The following ARHGEF33 variants were observed in gnomAD, a reference collection of about 807,000 sequenced individuals.
ARHGEF33 encodes Rho guanine nucleotide exchange factor 33, also known as DH and coiled-coil domain-containing protein ENSP00000381780.
ARHGEF33 carries 72 observed loss-of-function variants against 101.9 expected under a neutral mutation model. That is an observed-to-expected ratio of 0.71 (90% confidence interval 0.58 to 0.86). ARHGEF33 has a LOEUF of 0.86. ARHGEF33 is among the 40% of genes least tolerant of loss of function. ARHGEF33 has a pLI of 0.00. For missense variants in ARHGEF33, 1,169 were observed against 1,111.3 expected, an observed-to-expected ratio of 1.05 and a Z score of -0.74; for synonymous variants, 499 against 442.5, an observed-to-expected ratio of 1.13 and a Z score of -1.60.
chr2:38,959,569 G>T, intron 15 of ARHGEF33: 1 of 367,390 alleles, frequency 2.7e-6, no homozygotes, highest in Non-Finnish European at 4.9e-6. Flanking sequence ...GGAGGGTCAG[G>T]GCTTCCACGC....
At chr2:38,944,504 G>A (rs1667390656) in intron 10 of ARHGEF33, among the ~76,000 whole-genome samples, 1 of 152,074 alleles carries the variant, frequency 6.6e-6, no homozygotes. Flanking sequence ...TTGCATTGGG[G>A]GTTAAGTTTC....
At chr2:38,917,995 A>G (rs937381181) in intron 2 of ARHGEF33, among the ~76,000 whole-genome samples, 1 of 152,174 alleles carries the variant, frequency 6.6e-6, no homozygotes, top group Non-Finnish European at 1.5e-5. Context: ...TAGTGTTCAT[A>G]TATTTGTATT....
chr2:38,951,031 G>T lies in ARHGEF33; in HGVS notation c.963G>T (p.Leu321=). Residue 321 remains leucine (L), a synonymous_variant, in exon 11 of 18, where the codon CTG becomes CTT. Transcript: ENST00000409978. ...GSLRYLVQQH[L]DLLHALQERV... ...TACGGTACCTCGTCCAGCAGCACCT[G>T]GATCTGCTTCACGCACTGCAGGAAA... 1 of 1,552,204 alleles carries T rather than the reference G, an allele frequency of 6.4e-7. No homozygotes were observed.
In ARHGEF33 at chr2:38,959,998, G is replaced by A. The variant is rs1239499593; in HGVS notation, c.1693G>A (p.Val565Met). The A allele has an allele frequency of 5.8e-6, 9 of 1,550,066 alleles. No homozygotes were observed. Among genetic ancestry groups the A allele is most frequent in the African/African-American group, 2.7e-5 (2 of 73,026 alleles). The change falls in exon 16 of 18, where the codon GTG (valine) becomes ATG (methionine). Residue 565 changes from valine (V) to methionine (M), a missense_variant. Val to Met is a conservative substitution (Grantham distance 21). Transcript: ENST00000409978. The part of the protein sequence containing the change: ...PTQFCAAEQD[V>M]KALAGPLQAI... ...GCAGTTCTGCGCGGCCGAGCAGGAC[G>A]TGAAGGCGCTGGCCGGGCCCCTGCA...
Position 38,935,796 on chromosome 2 carries a change from A to T in ARHGEF33, c.527A>T (p.His176Leu). The change falls in exon 8 of 18, where the codon CAT becomes CTT. Residue 176 changes from histidine (H) to leucine (L), a missense_variant. Coordinates refer to ENST00000409978, the MANE Select transcript of ARHGEF33 (RefSeq NM_001145451.5). ...GCAGCCCAAGAGTCCAGATCTGTTC[A>T]TGTAGGAGACAGTAATGTAAAAGGA... ...YEKAQESRSV[H>L]VGDSNVKGMM... 4 of 1,552,170 alleles carry T rather than the reference A, an allele frequency of 2.6e-6. 1 individual carries two copies. The highest frequency in any genetic ancestry group is 3.5e-6 in the Non-Finnish European group (4 of 1,147,024).
At chr2:38,904,532 C>A (rs1666343859) in intron 2 of ARHGEF33, among the ~76,000 whole-genome samples, 1 of 151,876 alleles carries the variant, frequency 6.6e-6, no homozygotes, top group African/African-American at 2.4e-5. Flanking sequence ...ATGGCAAAAT[C>A]CCATCCCTAC....
chr2:38,907,392 C>T (rs1666415582), intron 2 of ARHGEF33, among the ~76,000 whole-genome samples: 1 of 152,136 alleles, frequency 6.6e-6, no homozygotes, highest in Non-Finnish European at 1.5e-5. Context: ...CTGAGAGCAC[C>T]AAAGGCAGCT....
Position 38,944,042 on chromosome 2 carries a change from C to T in ARHGEF33, c.920+12C>T, listed in dbSNP as rs1356885033. ...TCCAAAGAGAGAAGGTATCCATGCA[C>T]TCATTGCCTTTGCTTTTCAGATTGA... On this transcript the variant is annotated intron_variant, in intron 10 of 17. Transcript: ENST00000409978. The T allele has an allele frequency of 2.6e-6, 4 of 1,536,544 alleles. No individual in the cohort carries two copies. Among genetic ancestry groups the T allele is most frequent in the Non-Finnish European group, 3.5e-6 (4 of 1,140,198 alleles).
intron 10 of ARHGEF33, among the ~76,000 whole-genome samples, chr2:38,944,321 T>TTG (rs1343773854): frequency 6.6e-6 from 1 of 152,310 alleles, no homozygotes; most frequent in African/African-American, 2.4e-5. Flanking sequence ...AAGATGGCAC[T>TTG]TTGTTGTTGT....
At position 38,908,634 on chromosome 2, in the gene ARHGEF33, T is replaced by C. The variant is rs1465494207; in HGVS notation, c.-85-10729T>C. ...GGAAGGATCTTTGTTATTTCACTTC[T>C]GAGCCTTCTGTGCTCCTGAGCTATG... On this transcript the variant is annotated intron_variant, in intron 2 of 17. Coordinates refer to ENST00000409978, the MANE Select transcript of ARHGEF33 (RefSeq NM_001145451.5). Among the ~76,000 whole-genome samples, 3 of 152,362 alleles carry C rather than the reference T, an allele frequency of 2.0e-5. No homozygotes were observed. The East Asian group carries it at 5.8e-4, about 29-fold the overall frequency.
chr2:38,931,074 AC>A, intron 6 of ARHGEF33, 34 bp from the exon 7 acceptor site: 5 of 1,515,086 alleles, frequency 3.3e-6, no homozygotes, highest in Non-Finnish European at 3.5e-6. Context: ...GATATTAAGA[AC>A]CAGAATAGCC....
At position 38,974,290 on chromosome 2, in the gene ARHGEF33, G is replaced by C. The variant is rs572071635; in HGVS notation, c.*447G>C. On this transcript the variant is annotated 3_prime_UTR_variant, in exon 18 of 18. Transcript: ENST00000409978. ...TCTTAAACTAATATACACTATGTTA[G>C]GGGCCAGTTCTGTCTTGCTTCATGT... The C allele has an allele frequency of 1.3e-5, 2 of 152,356 alleles. No individual in the cohort carries two copies. Among genetic ancestry groups the C allele is most frequent in the East Asian group, 1.9e-4 (1 of 5,192 alleles). The allele number at this position is 152,356 out of a possible 1,614,324, so 9.4% of individuals were successfully genotyped here. A position where few individuals can be genotyped will look rare whatever the true frequency, so the allele number is the denominator to read the frequency against.
intron 3 of ARHGEF33, among the ~76,000 whole-genome samples, chr2:38,919,847 A>G (rs1227415003): frequency 6.6e-6 from 1 of 152,194 alleles, no homozygotes; most frequent in Non-Finnish European, 1.5e-5. Flanking sequence ...TTCTCTTATC[A>G]TCTCCAATTT....
chr2:38,958,059 GGGCT>G lies in ARHGEF33; in HGVS notation c.1401_1404del (p.Ala468ProfsTer46), dbSNP rs1667814283. On this transcript the variant is annotated frameshift_variant, in exon 15 of 18. Transcript: ENST00000409978. LOFTEE classifies it high-confidence loss of function. ...GTCATCCATGGCGAAGCTGTACAAA[GGGCT>G]GGCTTCCCAGTGTGCCAATGCTGGG... 6.4e-7 allele frequency: 1 copy of G among 1,552,146 alleles called. No homozygotes were observed. Among genetic ancestry groups the G allele is most frequent in the Non-Finnish European group, 8.7e-7 (1 of 1,147,150 alleles).
chr2:38,912,510 G>A (rs1407323261), intron 2 of ARHGEF33, among the ~76,000 whole-genome samples: 5 of 151,968 alleles, frequency 3.3e-5, no homozygotes, highest in Admixed American at 6.6e-5. Flanking sequence ...AGTCATTCTC[G>A]TCAACCTAGA....
intron 16 of ARHGEF33, among the ~76,000 whole-genome samples, chr2:38,962,736 C>T (rs536026796): frequency 2.6e-4 from 38 of 143,470 alleles, no homozygotes; most frequent in South Asian, 6.7e-4. Flanking sequence ...TGGTTGTGGC[C>T]GGGTGCGGTG....
intron 17 of ARHGEF33, chr2:38,971,723 T>TC: frequency 1.5e-6 from 1 of 674,794 alleles, no homozygotes; most frequent in Non-Finnish European, 2.7e-6. Flanking sequence ...ATTTAGCTGT[T>TC]AGTTTAATTA....
intron 10 of ARHGEF33, among the ~76,000 whole-genome samples, chr2:38,945,728 T>C (rs1667429738): frequency 1.3e-5 from 2 of 152,218 alleles, no homozygotes; most frequent in South Asian, 4.1e-4. Flanking sequence ...TCTGAAAATC[T>C]GGGGAGGCGG....
At chr2:38,926,893 G>A (rs146798698) in intron 4 of ARHGEF33, among the ~76,000 whole-genome samples, 465 of 151,780 alleles carry the variant, frequency 3.1e-3, no homozygotes, top group Non-Finnish European at 4.2e-3. Flanking sequence ...TTTAAAACTC[G>A]CATACATTTT....
Sources: allele counts gnomAD v4.1 joint callset (sites outside exome capture counted in the v4.1 genomes callset), GRCh38; gene constraint gnomAD v4.1.1; transcripts MANE v1.5; gene names NCBI Gene and HGNC (gene_info 2026-07-23, HGNC 2026-07-21).